Variants in PDHX observed in about 807,000 individuals in gnomAD.
PDHX encodes pyruvate dehydrogenase complex component X.
In PDHX, 33 loss-of-function variants were observed where a neutral mutation model predicts 55.3. That is an observed-to-expected ratio of 0.60 (90% CI 0.45 to 0.80). The LOEUF (loss-of-function observed/expected upper bound fraction) is 0.80, where lower values mean the gene tolerates loss of function less well. Among genes scored for constraint, PDHX ranks in the 30% least tolerant of loss-of-function variants. PDHX has a pLI of 0.00. For synonymous variants in PDHX, 226 were observed against 219.4 expected, an observed-to-expected ratio of 1.03 and a Z score of -0.27; for missense variants, 622 against 619.9, an observed-to-expected ratio of 1.00 and a Z score of -0.04.
intron 2 of PDHX, among the ~76,000 whole-genome samples, chr11:34,938,281 AAAAG>A (rs1854383908): frequency 6.6e-6 from 1 of 152,342 alleles, no homozygotes; most frequent in African/African-American, 2.4e-5. Context: ...GAAGAAGAAA[AAAAG>A]AGGGAAATGG....
chr11:34,921,089 C>T (rs1251526857), intron 1 of PDHX, among the ~76,000 whole-genome samples: 3 of 152,132 alleles, frequency 2.0e-5, no homozygotes, highest in South Asian at 4.1e-4. Context: ...TTGATATTCT[C>T]CTTTGAATTC....
chr11:34,944,144 G>C (rs1349846781), intron 2 of PDHX, among the ~76,000 whole-genome samples: 1 of 151,030 alleles, frequency 6.6e-6, no homozygotes, highest in East Asian at 1.9e-4. Flanking sequence ...TTTAGACAGA[G>C]TTTTTGCTCT....
chr11:34,930,142 T>A (rs1854122495), intron 1 of PDHX, among the ~76,000 whole-genome samples: 1 of 152,120 alleles, frequency 6.6e-6, no homozygotes, highest in Non-Finnish European at 1.5e-5. Flanking sequence ...GTCTAGCACG[T>A]GGATGGAGGA....
intron 9 of PDHX, among the ~76,000 whole-genome samples, chr11:34,985,639 A>T (rs1280208694): frequency 6.6e-6 from 1 of 152,210 alleles, no homozygotes; most frequent in Non-Finnish European, 1.5e-5. Flanking sequence ...CAGAAGTATC[A>T]CAAGTCTTAA....
At chr11:34,976,726 C>T (rs1263393413) in intron 7 of PDHX, among the ~76,000 whole-genome samples, 1 of 152,172 alleles carries the variant, frequency 6.6e-6, no homozygotes, top group Non-Finnish European at 1.5e-5. Flanking sequence ...TTTCATTCAA[C>T]TCAAGAATGT....
chr11:34,952,457 C>T (rs1854797441), intron 3 of PDHX, among the ~76,000 whole-genome samples: 2 of 152,024 alleles, frequency 1.3e-5, no homozygotes, highest in Non-Finnish European at 2.9e-5. Flanking sequence ...TACTGGCAAA[C>T]CGAATCCAGC....
intron 5 of PDHX, among the ~76,000 whole-genome samples, chr11:34,963,705 G>C (rs150060132): frequency 5.6e-4 from 86 of 152,262 alleles, no homozygotes; most frequent in African/African-American, 1.9e-3. Flanking sequence ...AGAAAATCTT[G>C]GGTATCAGGG....
intron 9 of PDHX, among the ~76,000 whole-genome samples, chr11:34,989,928 T>C (rs1855724750): frequency 6.6e-6 from 1 of 152,194 alleles, no homozygotes; most frequent in African/African-American, 2.4e-5. Context: ...AAAACAAATT[T>C]CAGTAAAACT....
chr11:34,946,108 CTT>C (rs1854612605), intron 2 of PDHX, among the ~76,000 whole-genome samples: 1 of 152,080 alleles, frequency 6.6e-6, no homozygotes, highest in African/African-American at 2.4e-5. Flanking sequence ...ATGTTTGTAT[CTT>C]TTTGTCTGCC....
Position 34,995,375 on chromosome 11 carries a change from C to A in PDHX, c.*203C>A, listed in dbSNP as rs1855839618. The A allele has an allele frequency of 1.8e-6, 1 of 553,424 alleles. No homozygotes were observed. The highest frequency in any genetic ancestry group is 3.2e-6 in the Non-Finnish European group (1 of 311,296). 34.3% of individuals were successfully genotyped at this position (553,424 alleles called of 1,614,324 possible). On this transcript the variant is annotated 3_prime_UTR_variant, in exon 11 of 11. Coordinates refer to ENST00000227868, the MANE Select transcript of PDHX (RefSeq NM_003477.3). ...AGAAATAAATGATGATAAACTCTAA[C>A]TAATAAAGGAAAGAGAATATTTGGT... is the stretch of plus-strand genomic sequence containing the variant.
intron 3 of PDHX, among the ~76,000 whole-genome samples, chr11:34,956,140 T>C (rs567739239): frequency 8.5e-5 from 13 of 152,246 alleles, no homozygotes; most frequent in Non-Finnish European, 1.6e-4. Flanking sequence ...TTTCTTGGCT[T>C]TCTTAGTATT....
intron 1 of PDHX, among the ~76,000 whole-genome samples, chr11:34,929,795 G>A (rs1440912006): frequency 6.6e-6 from 1 of 152,186 alleles, no homozygotes; most frequent in East Asian, 1.9e-4. Flanking sequence ...GGTTTGGGCT[G>A]TGTCATTTTT....
intron 8 of PDHX, 115 bp from the exon 9 acceptor site, chr11:34,984,455 A>C: frequency 1.2e-6 from 1 of 829,578 alleles, no homozygotes; most frequent in Non-Finnish European, 1.9e-6. Context: ...ATTTTTATTT[A>C]TTTTCTCTTA....
chr11:34,994,135 G>A (rs761239796), intron 10 of PDHX, among the ~76,000 whole-genome samples: 2 of 152,074 alleles, frequency 1.3e-5, no homozygotes, highest in African/African-American at 2.4e-5. Context: ...GTGTACTTAC[G>A]CAAATCATGC....
intron 5 of PDHX, among the ~76,000 whole-genome samples, chr11:34,962,660 G>A (rs2133977379): frequency 6.6e-6 from 1 of 152,258 alleles, no homozygotes; most frequent in Non-Finnish European, 1.5e-5. Flanking sequence ...CCTTGAGTTG[G>A]AGGATACCTG....
chr11:34,981,562 T>C (rs1162629183), intron 8 of PDHX, among the ~76,000 whole-genome samples: 1 of 152,230 alleles, frequency 6.6e-6, no homozygotes, highest in Non-Finnish European at 1.5e-5. Context: ...TCTAGATCCC[T>C]GAGGAATCGC....
intron 2 of PDHX, among the ~76,000 whole-genome samples, chr11:34,934,711 T>C (rs1854265877): frequency 6.6e-6 from 1 of 150,956 alleles, no homozygotes; most frequent in Non-Finnish European, 1.5e-5. Flanking sequence ...CTTGAGTAGC[T>C]GGGACCACAG....
At chr11:34,980,348 G>GTTTATTTTTTT in intron 8 of PDHX, among the ~76,000 whole-genome samples, 1 of 30,538 alleles carries the variant, frequency 3.3e-5, no homozygotes, top group South Asian at 8.8e-4. Flanking sequence ...GTTTAAGATA[G>GTTTATTTTTTT]TTTCTTTTTT....
rs764894529 is a variant in PDHX at position 34,970,328 on chromosome 11, C to T, written c.964+42C>T. On this transcript the variant is annotated intron_variant, in intron 7 of 10. Transcript: ENST00000227868. ...TTACTTAATACAAAACACATGCTAA[C>T]TTAACTTTCATGAAATCCTTTATAA... 5 of 1,478,728 alleles carry T rather than the reference C, an allele frequency of 3.4e-6. No individual in the cohort carries two copies. In the East Asian group the frequency reaches 1.1e-4, roughly 34 times the overall value. 91.6% of individuals were successfully genotyped at this position (1,478,728 alleles called of 1,614,324 possible). A position where few individuals can be genotyped will look rare whatever the true frequency, so the allele number is the denominator to read the frequency against.
Sources: gnomAD v4.1 joint callset for allele counts (sites outside exome capture counted in the v4.1 genomes callset) on GRCh38, gnomAD v4.1.1 for gene constraint, MANE v1.5 for transcripts, NCBI Gene and HGNC (gene_info 2026-07-23, HGNC 2026-07-21) for gene names.